Variants in RAB3IP observed in about 807,000 individuals in gnomAD.
RAB3IP encodes RAB3A interacting protein.
RAB3IP carries 36 observed loss-of-function variants against 59.1 expected under a neutral mutation model. That is an observed-to-expected ratio of 0.61 (90% CI 0.47 to 0.80). The LOEUF is 0.80. Ranked by LOEUF, RAB3IP falls within the 30% of genes least tolerant of loss-of-function variation. RAB3IP has a pLI of 0.00. For synonymous variants in RAB3IP, 207 were observed against 191.2 expected, an observed-to-expected ratio of 1.08 and a Z score of -0.68; for missense variants, 511 against 536.0, an observed-to-expected ratio of 0.95 and a Z score of 0.46.
At chr12:69,813,708 A>G (rs1880784120) in intron 10 of RAB3IP, among the ~76,000 whole-genome samples, 1 of 152,068 alleles carries the variant, frequency 6.6e-6, no homozygotes, top group African/African-American at 2.4e-5. Context: ...AAAAAAAAAA[A>G]TAGCAGATAC....
In RAB3IP at chr12:69,744,585, G is replaced by A. The variant is rs141815895; in HGVS notation, c.-26+5554G>A. Among the ~76,000 whole-genome samples, 533 of 152,020 alleles carry A rather than the reference G, an allele frequency of 3.5e-3. 3 individuals are homozygous for A. The highest frequency in any genetic ancestry group is 5.5e-3 in the Non-Finnish European group (373 of 67,998). ...TAAAAATACAAAAAATTAGCTGGGT[G>A]TGGTGGCAGGCGCCTGTAATCCCAG... is the stretch of plus-strand genomic sequence containing the variant. On this transcript the variant is annotated intron_variant, in intron 1 of 10. Transcript: ENST00000247833.
intron 3 of RAB3IP, among the ~76,000 whole-genome samples, chr12:69,784,036 C>A (rs1168144783): frequency 1.3e-5 from 2 of 152,116 alleles, no homozygotes; most frequent in African/African-American, 4.8e-5. Flanking sequence ...TTCTCCCCCC[C>A]TATGTTTGAA....
intron 8 of RAB3IP, among the ~76,000 whole-genome samples, chr12:69,802,814 T>G (rs1878601683): frequency 6.6e-6 from 1 of 152,214 alleles, no homozygotes; most frequent in Admixed American, 6.5e-5. Flanking sequence ...ATGTTGTTGT[T>G]TAGGTGACCA....
At chr12:69,752,324 T>TA (rs34403572) in intron 1 of RAB3IP, among the ~76,000 whole-genome samples, 15,288 of 150,760 alleles carry the variant, frequency 0.1, 862 homozygotes, top group South Asian at 0.18. Context: ...AAAAAAATTA[T>TA]ATATATATAT....
rs1479925104 is a variant in RAB3IP at position 69,755,459 on chromosome 12, T to C, written c.51T>C (p.Pro17=). The change falls in exon 2 of 11, where the codon CCT becomes CCC. Residue 17 remains proline (P), a synonymous_variant. Transcript: ENST00000247833. ...TCCATGAAGTAAACCTTGCTTCACC[T>C]ACTTCTCCGGACCTTCTTGGTGTGT... ...EGFHEVNLAS[P]TSPDLLGVYE... 6.2e-7 allele frequency: 1 copy of C among 1,614,168 alleles called. No homozygotes were observed. The highest frequency in any genetic ancestry group is 8.5e-7 in the Non-Finnish European group (1 of 1,180,000).
At chr12:69,769,023 T>TA (rs1320395440) in intron 3 of RAB3IP, among the ~76,000 whole-genome samples, 1 of 152,128 alleles carries the variant, frequency 6.6e-6, no homozygotes, top group Non-Finnish European at 1.5e-5. Flanking sequence ...GTTCTCCTGA[T>TA]ACTGAATAAG....
At chr12:69,759,028 CG>C (rs1870738498) in intron 3 of RAB3IP, among the ~76,000 whole-genome samples, 1 of 149,860 alleles carries the variant, frequency 6.7e-6, no homozygotes, top group African/African-American at 2.5e-5. Flanking sequence ...GGGTGTTTCT[CG>C]CAGAGGGGGA....
intron 3 of RAB3IP, among the ~76,000 whole-genome samples, chr12:69,759,115 A>C (rs1342852829): frequency 6.7e-6 from 1 of 148,412 alleles, no homozygotes; most frequent in Non-Finnish European, 1.5e-5. Context: ...TGGTTTTCCT[A>C]GGCAGAGGAC....
chr12:69,815,529 C>A lies in RAB3IP; in HGVS notation c.*83C>A. ...TTTATGGTTACTTGATATTTATTTC[C>A]AAGGAGTGAGCCTAAGACTTTTTTC... On this transcript the variant is annotated 3_prime_UTR_variant, in exon 11 of 11. Transcript: ENST00000247833. The A allele has an allele frequency of 9.8e-7, 1 of 1,018,700 alleles. No individual in the cohort carries two copies. The highest frequency in any genetic ancestry group is 1.5e-6 in the Non-Finnish European group (1 of 655,306). 63.1% of individuals were successfully genotyped at this position (1,018,700 alleles called of 1,614,324 possible). A position where few individuals can be genotyped will look rare whatever the true frequency, so the allele number is the denominator to read the frequency against.
chr12:69,756,931 A>T (rs1279865672), intron 3 of RAB3IP, among the ~76,000 whole-genome samples: 1 of 152,202 alleles, frequency 6.6e-6, no homozygotes, highest in Non-Finnish European at 1.5e-5. Context: ...GTCTCGTATT[A>T]TCTGTAATGC....
chr12:69,818,265 G>C lies in RAB3IP; in HGVS notation c.*2819G>C, dbSNP rs957626715. 1 of 152,170 alleles carries C rather than the reference G, an allele frequency of 6.6e-6. No homozygotes were observed. Among genetic ancestry groups the C allele is most frequent in the African/African-American group, 2.4e-5 (1 of 41,412 alleles). 9.4% of individuals were successfully genotyped at this position (152,170 alleles called of 1,614,324 possible). Reference sequence around the variant, plus strand: ...GTTCAAGACCAGCTTGAGCAACATAGGGAGACCACATCTGCACAAAAAGAT... The same window carrying C: ...GTTCAAGACCAGCTTGAGCAACATACGGAGACCACATCTGCACAAAAAGAT... On this transcript the variant is annotated 3_prime_UTR_variant, in exon 11 of 11. Coordinates refer to ENST00000247833, the MANE Select transcript of RAB3IP (RefSeq NM_022456.5).
At chr12:69,759,429 C>T (rs924766520) in intron 3 of RAB3IP, among the ~76,000 whole-genome samples, 2 of 152,082 alleles carry the variant, frequency 1.3e-5, no homozygotes, top group African/African-American at 4.8e-5. Context: ...ATCTTTTCCC[C>T]ACCTTTCCCC....
Position 69,822,126 on chromosome 12 carries a change from G to C in RAB3IP, c.*6680G>C, listed in dbSNP as rs747548606. The C allele has an allele frequency of 5.9e-5, 9 of 152,108 alleles. No individual in the cohort carries two copies. The highest frequency in any genetic ancestry group is 1.0e-4 in the Non-Finnish European group (7 of 68,030). 9.4% of individuals were successfully genotyped at this position (152,108 alleles called of 1,614,324 possible). A position where few individuals can be genotyped will look rare whatever the true frequency, so the allele number is the denominator to read the frequency against. ...GAGACTTGGCTGGGAGCTTCTCTTG[G>C]AGTCTAGGGTTAGCCAGAGGCTACA... On this transcript the variant is annotated 3_prime_UTR_variant, in exon 11 of 11. Coordinates refer to ENST00000247833, the MANE Select transcript of RAB3IP (RefSeq NM_022456.5).
intron 3 of RAB3IP, chr12:69,778,943 C>G (rs1302592414): frequency 1.7e-5 from 1 of 58,404 alleles, no homozygotes; most frequent in Non-Finnish European, 3.1e-5. Flanking sequence ...TGGGCTCCAC[C>G]CAGTTCGAGC....
chr12:69,767,930 G>T (rs1311578553), intron 3 of RAB3IP, among the ~76,000 whole-genome samples: 1 of 151,918 alleles, frequency 6.6e-6, no homozygotes, highest in Non-Finnish European at 1.5e-5. Context: ...CTGCACAAGA[G>T]GGGTGAGGTT....
At chr12:69,749,887 C>T (rs948547519) in intron 1 of RAB3IP, among the ~76,000 whole-genome samples, 2 of 152,168 alleles carry the variant, frequency 1.3e-5, no homozygotes, top group African/African-American at 4.8e-5. Context: ...TCTTCTTTCC[C>T]CAGATCCTGG....
In RAB3IP at chr12:69,817,296, T is replaced by C. The variant is rs919269129; in HGVS notation, c.*1850T>C. On this transcript the variant is annotated 3_prime_UTR_variant, in exon 11 of 11. Transcript: ENST00000247833. The stretch of plus-strand genomic sequence containing the variant: ...TCAACCTTATACACTAGAAGCATGC[T>C]CTTTAAAATTAATGCAACAGGATGA... The C allele has an allele frequency of 6.6e-6, 1 of 152,104 alleles. No individual in the cohort carries two copies. Among genetic ancestry groups the C allele is most frequent in the Non-Finnish European group, 1.5e-5 (1 of 68,004 alleles). The allele number at this position is 152,104 out of a possible 1,614,324, so 9.4% of individuals were successfully genotyped here. A position where few individuals can be genotyped will look rare whatever the true frequency, so the allele number is the denominator to read the frequency against.
intron 1 of RAB3IP, among the ~76,000 whole-genome samples, chr12:69,753,154 GTC>G (rs749537247): frequency 1.6e-4 from 25 of 152,182 alleles, no homozygotes; most frequent in Non-Finnish European, 1.8e-4. Context: ...ATGCTGGAAA[GTC>G]TGTGACACAT....
At chr12:69,782,430 T>C (rs528202857) in intron 3 of RAB3IP, among the ~76,000 whole-genome samples, 11 of 152,356 alleles carry the variant, frequency 7.2e-5, no homozygotes, top group African/African-American at 2.6e-4. Flanking sequence ...CCCAAAGTGC[T>C]GAGATTACAG....
Sources: gnomAD v4.1 joint callset for allele counts (sites outside exome capture counted in the v4.1 genomes callset) on GRCh38, gnomAD v4.1.1 for gene constraint, MANE v1.5 for transcripts, NCBI Gene and HGNC (gene_info 2026-07-23, HGNC 2026-07-21) for gene names.